The following PRKG1 variants were observed in gnomAD, a reference collection of about 807,000 sequenced individuals.
The protein encoded by PRKG1 is protein kinase cGMP-dependent 1.
Under a neutral mutation model 88.1 loss-of-function variants are expected in PRKG1, and 35 were observed. That is an observed-to-expected ratio of 0.40 (90% CI 0.30 to 0.53). The LOEUF is 0.53. PRKG1 is among the 20% of genes least tolerant of loss of function. PRKG1 has a pLI of 0.59. For missense variants in PRKG1, 540 were observed against 839.8 expected, an observed-to-expected ratio of 0.64 and a Z score of 4.41; for synonymous variants, 303 against 292.5, an observed-to-expected ratio of 1.04 and a Z score of -0.37.
chr10:51,173,089 A>T (rs1201828609), intron 2 of PRKG1, among the ~76,000 whole-genome samples: 2 of 152,040 alleles, frequency 1.3e-5, no homozygotes. Flanking sequence ...GTTTTTAAAA[A>T]CATATCACAT....
rs975967537 is a variant in PRKG1, at chr10:51,769,885, A to G, written c.593-34700A>G. Among the ~76,000 whole-genome samples the G allele has an allele frequency of 3.3e-5, 5 of 152,176 alleles. No homozygotes were observed. In the East Asian group the frequency reaches 9.6e-4, roughly 29 times the overall value. ...AAAAAACAAAAACAAAAAGCAGAAA[A>G]CTTATAATGTTTTAAGAAAGTTAAT... On this transcript the variant is annotated intron_variant, in intron 3 of 17. Transcript: ENST00000373980.
At position 51,299,745 on chromosome 10, in the gene PRKG1, A is replaced by G. The variant is rs186458394; in HGVS notation, c.478+146415A>G. On this transcript the variant is annotated intron_variant, in intron 2 of 17. Coordinates refer to ENST00000373980, the MANE Select transcript of PRKG1 (RefSeq NM_006258.4). ...TGTTTTTTCCTGGCCTCTCAATGAC[A>G]TTATAAGCTTCTATTATACCTCATG... 59 of 384,160 alleles carry G rather than the reference A, an allele frequency of 1.5e-4. No individual in the cohort carries two copies. The East Asian group carries it at 5.9e-3, about 38-fold the overall frequency. The allele number at this position is 384,160 out of a possible 1,614,324, so 23.8% of individuals were successfully genotyped here. A position where few individuals can be genotyped will look rare whatever the true frequency, so the allele number is the denominator to read the frequency against.
At chr10:51,172,586 A>T (rs1026224455) in intron 2 of PRKG1, among the ~76,000 whole-genome samples, 8 of 151,806 alleles carry the variant, frequency 5.3e-5, no homozygotes, top group Non-Finnish European at 1.2e-4. Flanking sequence ...ATCTATCTGT[A>T]TACCTATGTC....
At chr10:51,819,151 C>G (rs1370997610) in intron 4 of PRKG1, among the ~76,000 whole-genome samples, 1 of 150,816 alleles carries the variant, frequency 6.6e-6, no homozygotes, top group African/African-American at 2.4e-5. Context: ...AGGAGGGCTT[C>G]AGGATGCTTC....
At chr10:51,450,848 A>G (rs1839414869) in intron 2 of PRKG1, among the ~76,000 whole-genome samples, 2 of 150,750 alleles carry the variant, frequency 1.3e-5, no homozygotes, top group South Asian at 4.2e-4. Context: ...CTTAACAAAA[A>G]TTAAAAAAAA....
At chr10:51,519,762 A>G (rs1418877043) in intron 3 of PRKG1, among the ~76,000 whole-genome samples, 2 of 152,158 alleles carry the variant, frequency 1.3e-5, no homozygotes, top group Non-Finnish European at 2.9e-5. Flanking sequence ...GCTATTCAAA[A>G]ATAACTCAAT....
intron 2 of PRKG1, among the ~76,000 whole-genome samples, chr10:51,316,327 T>C (rs559699247): frequency 6.6e-6 from 1 of 152,306 alleles, no homozygotes; most frequent in South Asian, 2.1e-4. Context: ...CTGAAGAATG[T>C]GTGGCTTTAT....
intron 3 of PRKG1, among the ~76,000 whole-genome samples, chr10:51,747,320 A>T (rs1837606986): frequency 6.6e-6 from 1 of 152,156 alleles, no homozygotes; most frequent in South Asian, 2.1e-4. Flanking sequence ...CTGTTTCTGA[A>T]TTTGACTCTG....
chr10:51,160,864 T>A (rs1362202308), intron 2 of PRKG1, among the ~76,000 whole-genome samples: 2 of 139,068 alleles, frequency 1.4e-5, no homozygotes, highest in Non-Finnish European at 3.1e-5. Flanking sequence ...TTAACCAGTG[T>A]TCTTCATGCT....
chr10:51,863,266 A>C (rs1208296778), intron 4 of PRKG1, among the ~76,000 whole-genome samples: 1 of 152,196 alleles, frequency 6.6e-6, no homozygotes, highest in East Asian at 1.9e-4. Context: ...CCACTGGTGC[A>C]TCTCATATTG....
At chr10:52,006,408 A>G (rs1205085553) in intron 5 of PRKG1, among the ~76,000 whole-genome samples, 1 of 152,192 alleles carries the variant, frequency 6.6e-6, no homozygotes, top group African/African-American at 2.4e-5. Flanking sequence ...ACAGGAGCTG[A>G]TATACAAAAT....
At chr10:51,914,830 T>A (rs10823885) in intron 5 of PRKG1, among the ~76,000 whole-genome samples, 54,395 of 152,092 alleles carry the variant, frequency 0.36, 10,260 homozygotes, top group Non-Finnish European at 0.41. Flanking sequence ...TATACTTCTA[T>A]GGCACCGATA....
At chr10:51,186,970 ATATATATATATATG>A (rs1295723086) in intron 2 of PRKG1, among the ~76,000 whole-genome samples, 3 of 145,742 alleles carry the variant, frequency 2.1e-5, no homozygotes, top group African/African-American at 7.5e-5. Flanking sequence ...ATATATATAT[ATATATATATATATG>A]TATATATATA....
At chr10:51,423,029 A>C (rs1413435532) in intron 2 of PRKG1, among the ~76,000 whole-genome samples, 2 of 150,700 alleles carry the variant, frequency 1.3e-5, no homozygotes, top group Non-Finnish European at 2.9e-5. Context: ...CCGGTTCCTT[A>C]CTTATAGAAG....
chr10:51,533,767 G>T (rs138302320), intron 3 of PRKG1, among the ~76,000 whole-genome samples: 1 of 152,054 alleles, frequency 6.6e-6, no homozygotes, highest in Non-Finnish European at 1.5e-5. Flanking sequence ...ACTTTTAATT[G>T]GAACTTTACA....
intron 3 of PRKG1, among the ~76,000 whole-genome samples, chr10:51,628,008 C>CTCTCTCTTTCTTTCTT (rs1554826926): frequency 2.0e-5 from 1 of 50,440 alleles, no homozygotes; most frequent in African/African-American, 6.3e-5. Context: ...CTCTCTCTCT[C>CTCTCTCTTTCTTTCTT]TCTTTCTTTC....
intron 5 of PRKG1, among the ~76,000 whole-genome samples, chr10:52,047,749 G>T (rs1475637328): frequency 6.6e-6 from 1 of 152,094 alleles, no homozygotes; most frequent in Admixed American, 6.6e-5. Context: ...GTAAATCTGG[G>T]ATATTAGGGA....
intron 2 of PRKG1, among the ~76,000 whole-genome samples, chr10:51,428,139 C>A (rs1371687399): frequency 6.6e-6 from 1 of 152,192 alleles, no homozygotes; most frequent in Non-Finnish European, 1.5e-5. Flanking sequence ...ACTGCTAGAA[C>A]TTCTATCGCA....
intron 5 of PRKG1, among the ~76,000 whole-genome samples, chr10:51,956,410 A>G (rs932383630): frequency 6.6e-6 from 1 of 151,834 alleles, no homozygotes; most frequent in African/African-American, 2.4e-5. Flanking sequence ...ATTATCAATT[A>G]TTTTTGAATA....
Sources: allele counts gnomAD v4.1 joint callset (sites outside exome capture counted in the v4.1 genomes callset), GRCh38; gene constraint gnomAD v4.1.1; transcripts MANE v1.5; gene names NCBI Gene and HGNC (gene_info 2026-07-23, HGNC 2026-07-21).